The following REPS2 variants were observed in gnomAD, a reference collection of about 807,000 sequenced individuals.
REPS2 encodes the protein RALBP1 associated Eps domain containing 2, also known as ralBP1-associated Eps domain-containing protein 2.
A neutral mutation model predicts 53.6 loss-of-function variants in REPS2; 23 were observed. The observed-to-expected ratio is 0.43, with a 90% CI of 0.31 to 0.61. The LOEUF is 0.61. Ranked by LOEUF, REPS2 falls within the 20% of genes least tolerant of loss-of-function variation. The pLI is 0.11. For synonymous variants in REPS2, 238 were observed against 218.6 expected (o/e 1.09, Z -0.78); for missense variants, 446 against 534.9 (o/e 0.83, Z 1.64).
At chrX:17,115,172 C>G (rs1050061651) in intron 14 of REPS2, among the ~76,000 whole-genome samples, 4 of 111,689 alleles carry the variant, frequency 3.6e-5, no homozygotes, top group African/African-American at 1.3e-4. Context: ...CCTCTGAGTT[C>G]CCTTAGTATT....
intron 1 of REPS2, among the ~76,000 whole-genome samples, chrX:17,001,920 G>A (rs2061312429): frequency 1.8e-5 from 2 of 111,612 alleles, no homozygotes; most frequent in African/African-American, 3.3e-5. Flanking sequence ...GGGAAAGACC[G>A]ATCCCCGTGA....
chrX:17,180,238 CTTG>C, the REPS2 span, among the ~76,000 whole-genome samples: 1 of 110,826 alleles, frequency 9.0e-6, no homozygotes, highest in Non-Finnish European at 1.9e-5. Flanking sequence ...ATGACCATGT[CTTG>C]TTTTTGAAAT....
At chrX:17,021,898 T>C (rs2061582099) in intron 2 of REPS2, among the ~76,000 whole-genome samples, 1 of 112,461 alleles carries the variant, frequency 8.9e-6, no homozygotes, top group South Asian at 3.6e-4. Flanking sequence ...ATTCTGCGAT[T>C]TGGCAACATT....
intron 2 of REPS2, among the ~76,000 whole-genome samples, chrX:17,009,762 A>G (rs1001134093): frequency 9.0e-6 from 1 of 111,366 alleles, no homozygotes; most frequent in Admixed American, 9.6e-5. Context: ...TACACAGCAG[A>G]TTATTCCATC....
chrX:17,045,156 C>CCTGGGTGAAGATG (rs1602782395), intron 5 of REPS2, among the ~76,000 whole-genome samples: 1 of 109,794 alleles, frequency 9.1e-6, no homozygotes, highest in Non-Finnish European at 1.9e-5. Context: ...TGGTCTTGAA[C>CCTGGGTGAAGATG]TCCTGACCTC....
chrX:16,981,405 CATT>C (rs975478629), intron 1 of REPS2, among the ~76,000 whole-genome samples: 22 of 112,273 alleles, frequency 2.0e-4, no homozygotes, highest in African/African-American at 6.5e-4. Flanking sequence ...TTCCTTAACA[CATT>C]ATTTTGCAAA....
At chrX:17,191,151 ATTG>A in the REPS2 span, among the ~76,000 whole-genome samples, 3 of 112,107 alleles carry the variant, frequency 2.7e-5, no homozygotes, top group African/African-American at 6.5e-5. Flanking sequence ...TTCAAAAGAC[ATTG>A]TTAAGAGAAT....
At chrX:17,160,564 G>A in the REPS2 span, among the ~76,000 whole-genome samples, 1 of 112,574 alleles carries the variant, frequency 8.9e-6, no homozygotes, top group Non-Finnish European at 1.9e-5. Flanking sequence ...TGCACCAAAA[G>A]GAACAGAGAA....
chrX:17,016,643 G>A (rs1321878127), intron 2 of REPS2, among the ~76,000 whole-genome samples: 7 of 111,034 alleles, frequency 6.3e-5, no homozygotes, highest in African/African-American at 2.0e-4. Context: ...TCCTGACCTC[G>A]AATGATCCAC....
chrX:16,956,675 C>G (rs2060601636), intron 1 of REPS2, among the ~76,000 whole-genome samples: 1 of 111,821 alleles, frequency 8.9e-6, no homozygotes, highest in African/African-American at 3.3e-5. Context: ...GAGACCTCAC[C>G]AGGGACAGTT....
intron 8 of REPS2, among the ~76,000 whole-genome samples, chrX:17,059,607 A>G (rs1296126062): frequency 1.0e-4 from 11 of 109,876 alleles, no homozygotes; most frequent in African/African-American, 3.0e-4. Context: ...AGCTGGAACT[A>G]CAGGTGCCTG....
chrX:16,965,185 G>A (rs1246016200), intron 1 of REPS2, among the ~76,000 whole-genome samples: 1 of 95,754 alleles, frequency 1.0e-5, no homozygotes, highest in Non-Finnish European at 2.1e-5. Context: ...GCAGGGCAGA[G>A]TGGCTCCTCA....
At chrX:17,018,904 C>T (rs944924986) in intron 2 of REPS2, among the ~76,000 whole-genome samples, 3 of 110,248 alleles carry the variant, frequency 2.7e-5, no homozygotes, top group East Asian at 2.8e-4. Context: ...CAGACTCAAG[C>T]GATCTTCCTG....
At chrX:17,054,212 T>C (rs1432428032) in intron 7 of REPS2, among the ~76,000 whole-genome samples, 2 of 112,758 alleles carry the variant, frequency 1.8e-5, no homozygotes, top group African/African-American at 6.4e-5. Context: ...ACTAGTTTTA[T>C]CCTAAAACAT....
At chrX:17,099,653 C>A in intron 13 of REPS2, 1 of 417,983 alleles carries the variant, frequency 2.4e-6, no homozygotes, top group Non-Finnish European at 4.2e-6. Flanking sequence ...GGCACAGAAA[C>A]GATACTGGCT....
At chrX:17,063,950 A>ACACACACT (rs1295701873) in intron 9 of REPS2, among the ~76,000 whole-genome samples, 1 of 110,703 alleles carries the variant, frequency 9.0e-6, no homozygotes, top group Admixed American at 9.6e-5. Flanking sequence ...ACACACACAC[A>ACACACACT]CAGTCTCTCT....
chrX:17,100,826 C>A (rs2062783832), intron 13 of REPS2, among the ~76,000 whole-genome samples: 1 of 111,262 alleles, frequency 9.0e-6, no homozygotes, highest in Non-Finnish European at 1.9e-5. Flanking sequence ...TACCTGTAAT[C>A]CCAACACTTT....
chrX:16,960,130 GA>G (rs1258986284), intron 1 of REPS2, among the ~76,000 whole-genome samples: 2 of 111,367 alleles, frequency 1.8e-5, no homozygotes, highest in Non-Finnish European at 3.8e-5. Context: ...TTGGGAAGCT[GA>G]GGTGGGAGGA....
intron 8 of REPS2, among the ~76,000 whole-genome samples, chrX:17,061,130 A>G (rs778889163): frequency 2.2e-4 from 25 of 112,373 alleles, no homozygotes; most frequent in Non-Finnish European, 3.9e-4. Context: ...TTGATAGACT[A>G]GAAAGAGAAA....
Sources: gnomAD v4.1 joint callset for allele counts (sites outside exome capture counted in the v4.1 genomes callset) on GRCh38, gnomAD v4.1.1 for gene constraint, MANE v1.5 for transcripts, NCBI Gene and HGNC (gene_info 2026-07-23, HGNC 2026-07-21) for gene names.